MAP2K5: variants seen among roughly 807,000 people sequenced by gnomAD.
MAP2K5 encodes the protein dual specificity mitogen-activated protein kinase kinase 5.
Under a neutral mutation model 83.1 loss-of-function variants are expected in MAP2K5, and 49 were observed. The ratio of observed to expected loss-of-function variants is 0.59; its 90% CI spans 0.47 to 0.75. MAP2K5 has a LOEUF of 0.75. Among genes scored for constraint, MAP2K5 ranks in the 30% least tolerant of loss-of-function variants. The pLI, the probability that MAP2K5 is intolerant of heterozygous loss-of-function variation, is 0.00. For synonymous variants in MAP2K5, 202 were observed against 191.8 expected (o/e 1.05, Z -0.44); for missense variants, 457 against 557.5 (o/e 0.82, Z 1.82).
rs2090579801 is a variant in MAP2K5 at position 67,794,945 on chromosome 15, G to A, written c.1243-11701G>A. ...TGAAAAGTTAAAACTATGATGATAG[G>A]ACTCTGAAACCTCTGACGCCCCCGC... On this transcript the variant is annotated intron_variant, in intron 21 of 21. Coordinates refer to ENST00000178640, the MANE Select transcript of MAP2K5 (RefSeq NM_145160.3). This position sits in a 1 kb window ranked among gnomAD's most constrained non-coding sequence, Gnocchi z 4.6. Among the ~76,000 whole-genome samples the A allele has an allele frequency of 6.6e-6, 1 of 152,338 alleles. No homozygotes were observed.
intron 19 of MAP2K5, among the ~76,000 whole-genome samples, chr15:67,761,941 C>T (rs2089957156): frequency 6.6e-6 from 1 of 152,092 alleles, no homozygotes. Flanking sequence ...CTGGACTTTT[C>T]CTGAGGAAAA....
Position 67,698,772 on chromosome 15 carries a change from C to G in MAP2K5, c.973-4565C>G, listed in dbSNP as rs2088330465. Among the ~76,000 whole-genome samples, 1 of 152,146 alleles carries G rather than the reference C, an allele frequency of 6.6e-6. No homozygotes were observed. The highest frequency in any genetic ancestry group is 6.5e-5 in the Admixed American group (1 of 15,272). ...GTCTTTACTCGGAATAAAACACATA[C>G]ACATTGCATGATCCAACTCAATTGG... On this transcript the variant is annotated intron_variant, in intron 15 of 21. Coordinates refer to ENST00000178640, the MANE Select transcript of MAP2K5 (RefSeq NM_145160.3). The surrounding 1 kb of genome is among the most constrained non-coding windows in gnomAD (Gnocchi z 4.5).
intron 15 of MAP2K5, among the ~76,000 whole-genome samples, chr15:67,694,876 T>C (rs1212016652): frequency 4.6e-5 from 7 of 151,950 alleles, no homozygotes; most frequent in Non-Finnish European, 1.0e-4. Context: ...CCAACAATGA[T>C]AGACAGGATT....
chr15:67,630,876 T>C lies in MAP2K5; in HGVS notation c.546-12T>C, dbSNP rs753981872. The C allele has an allele frequency of 2.5e-6, 4 of 1,607,308 alleles. No individual in the cohort carries two copies. Among genetic ancestry groups the C allele is most frequent in the Admixed American group, 3.4e-5 (2 of 59,344 alleles). On this transcript the variant is annotated splice_polypyrimidine_tract_variant and intron_variant, in intron 8 of 21. Transcript: ENST00000178640. ...TGATCCCAAATGATTTTGTTTTTTT[T>C]TCTTCCCATAGAGCATATCATGTCC...
chr15:67,569,757 C>T (rs2084914049), intron 3 of MAP2K5, among the ~76,000 whole-genome samples: 1 of 152,176 alleles, frequency 6.6e-6, no homozygotes, highest in Non-Finnish European at 1.5e-5. Context: ...CCAGGGCACT[C>T]TGGGGACCAC....
At chr15:67,592,800 G>T in intron 6 of MAP2K5, 126 bp from the exon 7 acceptor site, 1 of 655,400 alleles carries the variant, frequency 1.5e-6, no homozygotes, top group Non-Finnish European at 2.7e-6. Context: ...TTTACATTGG[G>T]AGAAGGATGT....
intron 2 of MAP2K5, among the ~76,000 whole-genome samples, chr15:67,550,559 T>C (rs192140538): frequency 6.6e-6 from 1 of 152,310 alleles, no homozygotes; most frequent in East Asian, 1.9e-4. Context: ...TCCTTCCTTT[T>C]TCCCCACAGT....
At position 67,758,341 on chromosome 15, in the gene MAP2K5, G is replaced by C. The variant is rs949382246; in HGVS notation, c.1134+9740G>C. On this transcript the variant is annotated intron_variant, in intron 19 of 21. Coordinates refer to ENST00000178640, the MANE Select transcript of MAP2K5 (RefSeq NM_145160.3). This position sits in a 1 kb window ranked among gnomAD's most constrained non-coding sequence, Gnocchi z 4.7. The stretch of plus-strand genomic sequence containing the variant: ...AGGGATGAATCTCAGGGCTTGGGCA[G>C]TCAGGTGCATGGTGGTACTCTCCTG... Among the ~76,000 whole-genome samples the C allele has an allele frequency of 2.0e-5, 3 of 152,170 alleles. No homozygotes were observed. The highest frequency in any genetic ancestry group is 4.4e-5 in the Non-Finnish European group (3 of 68,038).
chr15:67,767,765 T>C (rs1460095815), intron 19 of MAP2K5, among the ~76,000 whole-genome samples: 3 of 152,210 alleles, frequency 2.0e-5, no homozygotes, highest in Non-Finnish European at 4.4e-5. Context: ...TTTTGTGTCT[T>C]GTTTCTTTTG....
At chr15:67,716,042 A>T (rs972071034) in intron 16 of MAP2K5, among the ~76,000 whole-genome samples, 3 of 152,190 alleles carry the variant, frequency 2.0e-5, no homozygotes, top group African/African-American at 7.2e-5. Flanking sequence ...CTCAGCAAAT[A>T]TTTTTTTGAG....
At chr15:67,590,185 A>G (rs1311917217) in intron 6 of MAP2K5, among the ~76,000 whole-genome samples, 3 of 152,186 alleles carry the variant, frequency 2.0e-5, no homozygotes, top group Non-Finnish European at 4.4e-5. Flanking sequence ...ATAGGGACTC[A>G]GTCTCCATAG....
At chr15:67,684,505 A>G (rs572619822) in intron 13 of MAP2K5, among the ~76,000 whole-genome samples, 1 of 152,322 alleles carries the variant, frequency 6.6e-6, no homozygotes, top group Admixed American at 6.5e-5. Flanking sequence ...TTACAATAAA[A>G]TCCAGCATTC....
At chr15:67,800,244 CTT>C (rs1469679588) in intron 21 of MAP2K5, among the ~76,000 whole-genome samples, 1 of 152,184 alleles carries the variant, frequency 6.6e-6, no homozygotes, top group Non-Finnish European at 1.5e-5. Context: ...AGCTTTAAAA[CTT>C]TAACAGTGGA....
chr15:67,569,114 T>C (rs1428187766), intron 3 of MAP2K5, among the ~76,000 whole-genome samples: 1 of 152,214 alleles, frequency 6.6e-6, no homozygotes, highest in Non-Finnish European at 1.5e-5. Context: ...CCAAATTCAT[T>C]GTCCATTTAG....
At chr15:67,558,351 G>A (rs918124378) in intron 2 of MAP2K5, among the ~76,000 whole-genome samples, 2 of 152,190 alleles carry the variant, frequency 1.3e-5, no homozygotes, top group Admixed American at 1.3e-4. Flanking sequence ...AATTTATCCA[G>A]CATGTGATGA....
intron 20 of MAP2K5, among the ~76,000 whole-genome samples, chr15:67,772,422 A>T (rs1459674371): frequency 6.6e-6 from 1 of 152,148 alleles, no homozygotes; most frequent in African/African-American, 2.4e-5. Context: ...TAGAATTAGG[A>T]TACATTTAAT....
chr15:67,547,077 A>AAC lies in MAP2K5; in HGVS notation c.136-2927_136-2926dup, dbSNP rs59269114. On this transcript the variant is annotated intron_variant, in intron 1 of 21. Coordinates refer to ENST00000178640, the MANE Select transcript of MAP2K5 (RefSeq NM_145160.3). Reference sequence around the variant, plus strand: ...GAGACCCTATCTCAAAAAAGAAGAAAACACACACACACACACACACACACA... The same window carrying AAC: ...GAGACCCTATCTCAAAAAAGAAGAAAACACACACACACACACACACACACACA... 1.2e-3 allele frequency among the ~76,000 whole-genome samples: 166 copies of AAC among 144,176 alleles called. 2 individuals are homozygous for AAC. Among genetic ancestry groups the AAC allele is most frequent in the African/African-American group, 2.9e-3 (110 of 38,596 alleles). 94.6% of individuals were successfully genotyped at this position (144,176 alleles called of 152,430 possible).
At chr15:67,731,686 A>T (rs918174912) in intron 17 of MAP2K5, among the ~76,000 whole-genome samples, 1 of 152,094 alleles carries the variant, frequency 6.6e-6, no homozygotes, top group Non-Finnish European at 1.5e-5. Flanking sequence ...AGGTGAGCCA[A>T]CTCAGGCTCA....
At chr15:67,681,772 A>C (rs971523069) in intron 13 of MAP2K5, among the ~76,000 whole-genome samples, 1 of 152,270 alleles carries the variant, frequency 6.6e-6, no homozygotes, top group Non-Finnish European at 1.5e-5. Flanking sequence ...AAAAGGACCC[A>C]TAATTCCAGG....
Sources: allele counts gnomAD v4.1 joint callset (sites outside exome capture counted in the v4.1 genomes callset), GRCh38; gene constraint gnomAD v4.1.1; non-coding constraint Gnocchi (gnomAD v3.1); transcripts MANE v1.5; gene names NCBI Gene and HGNC (gene_info 2026-07-23, HGNC 2026-07-21).